RP1L1: variants seen among roughly 807,000 people sequenced by gnomAD.
RP1L1 encodes the protein retinitis pigmentosa 1-like 1 protein.
In RP1L1, 27 loss-of-function variants were observed where a neutral mutation model predicts 15.7. The ratio of observed to expected loss-of-function variants is 1.72; its 90% CI spans 1.27 to 2.38. The LOEUF (loss-of-function observed/expected upper bound fraction) is 2.38. Among genes scored for constraint, RP1L1 ranks in the 30% most tolerant of loss-of-function variants. The probability of loss-of-function intolerance (pLI) is 0.00; values close to 1 mark genes in which losing one functional copy is unlikely to be tolerated. For missense variants in RP1L1, 4,798 were observed against 3,075.9 expected, an observed-to-expected ratio of 1.56 and a Z score of -13.24; for synonymous variants, 1,813 against 1,276.7, an observed-to-expected ratio of 1.42 and a Z score of -8.96.
chr8:10,608,190 C>T lies in RP1L1; in HGVS notation c.5908G>A (p.Ala1970Thr). ...VIESQEAEEE[A>T]QPESEDVEAL... ...TCTACATCTTCTGACTCTGGCTGGG[C>T]TTCCTCTTCTGCCTCCTGGGACTCT... The change falls in exon 4 of 4, where the codon GCC becomes ACC. Residue 1970 changes from alanine (A) to threonine (T), a missense_variant. Transcript: ENST00000382483. The T allele has an allele frequency of 3.1e-6, 5 of 1,612,600 alleles. No individual in the cohort carries two copies. Among genetic ancestry groups the T allele is most frequent in the Non-Finnish European group, 4.2e-6 (5 of 1,179,696 alleles).
Position 10,608,917 on chromosome 8 carries a change from C to G in RP1L1, c.5181G>C (p.Glu1727Asp), listed in dbSNP as rs1797768644. 2 of 1,614,108 alleles carry G rather than the reference C, an allele frequency of 1.2e-6. No individual in the cohort carries two copies. Among genetic ancestry groups the G allele is most frequent in the Non-Finnish European group, 1.7e-6 (2 of 1,180,034 alleles). Residue 1727 changes from glutamate to aspartate, a missense_variant, in exon 4 of 4, where the codon GAG becomes GAC. Glu to Asp is a conservative substitution (Grantham distance 45). Transcript: ENST00000382483. ...PTSTRTVQGA[E>D]GGLGPGLSQG... Reference sequence around the variant, plus strand: ...GGCTCAGCCCCGGCCCCAGCCCTCCCTCAGCTCCCTGGACAGTCCTAGTGC... The same window carrying G: ...GGCTCAGCCCCGGCCCCAGCCCTCCGTCAGCTCCCTGGACAGTCCTAGTGC...
At chr8:10,644,512 G>A (rs551284183) in intron 1 of RP1L1, among the ~76,000 whole-genome samples, 12 of 152,360 alleles carry the variant, frequency 7.9e-5, no homozygotes, top group Non-Finnish European at 1.6e-4. Context: ...TGATGGCTGA[G>A]AATTGATGCC....
At position 10,611,067 on chromosome 8, in the gene RP1L1, G is replaced by T. The variant is rs1292945103; in HGVS notation, c.3031C>A (p.Gln1011Lys). The stretch of plus-strand genomic sequence containing the variant: ...CCGGGGTCCCCTTCCAGGGACTGCT[G>T]TCCCGCCTGAGCTGGCTCCCCCAGG... Reference protein sequence around the residue: ...EGLGEPAQAGQQSLEGDPGQD... With the variant: ...EGLGEPAQAGKQSLEGDPGQD... Residue 1011 changes from glutamine to lysine, a missense_variant, in exon 4 of 4, where the codon CAG becomes AAG. Gln to Lys is a moderately conservative substitution (Grantham distance 53). Coordinates refer to ENST00000382483, the MANE Select transcript of RP1L1 (RefSeq NM_178857.6). 1.1e-5 allele frequency: 17 copies of T among 1,612,694 alleles called. No individual in the cohort carries two copies. Among genetic ancestry groups the T allele is most frequent in the Admixed American group, 1.7e-5 (1 of 60,006 alleles).
chr8:10,627,728 G>T (rs867719551), intron 1 of RP1L1, among the ~76,000 whole-genome samples: 3 of 152,280 alleles, frequency 2.0e-5, no homozygotes, highest in Middle Eastern at 3.4e-3. Context: ...TTAAGAGGAG[G>T]ACATCTTCCC....
At chr8:10,620,453 A>G (rs571801484) in intron 2 of RP1L1, among the ~76,000 whole-genome samples, 1 of 152,284 alleles carries the variant, frequency 6.6e-6, no homozygotes, top group African/African-American at 2.4e-5. Context: ...TAAAAATACA[A>G]AAATTAGCTG....
intron 1 of RP1L1, among the ~76,000 whole-genome samples, chr8:10,645,348 CA>C (rs2117262926): frequency 1.3e-5 from 2 of 152,136 alleles, no homozygotes; most frequent in African/African-American, 4.8e-5. Flanking sequence ...AATGAACAAA[CA>C]AAAATATCTA....
Position 10,613,216 on chromosome 8 carries a change from C to A in RP1L1, c.882G>T (p.Gln294His), listed in dbSNP as rs769529385. 6.2e-7 allele frequency: 1 copy of A among 1,613,384 alleles called. No individual in the cohort carries two copies. Among genetic ancestry groups the A allele is most frequent in the Non-Finnish European group, 8.5e-7 (1 of 1,180,016 alleles). The change falls in exon 4 of 4, where the codon CAG becomes CAT. Residue 294 changes from glutamine (Q) to histidine (H), a missense_variant. Physicochemically the swap from Gln to His is conservative, Grantham distance 24. Coordinates refer to ENST00000382483, the MANE Select transcript of RP1L1 (RefSeq NM_178857.6). ...PVGPAPGRHPQDTPAQSGPLV... is the reference protein window; with the variant it reads ...PVGPAPGRHPHDTPAQSGPLV... ...GCGGGCCCGACTGAGCTGGCGTGTC[C>A]TGAGGGTGCCTGCCAGGAGCAGGGC...
intron 1 of RP1L1, among the ~76,000 whole-genome samples, chr8:10,628,772 C>G (rs928899012): frequency 3.3e-5 from 5 of 152,182 alleles, no homozygotes; most frequent in African/African-American, 1.2e-4. Flanking sequence ...TGGAAGAAAC[C>G]TGATATTGAC....
At chr8:10,645,472 A>G (rs1798463029) in intron 1 of RP1L1, among the ~76,000 whole-genome samples, 1 of 152,210 alleles carries the variant, frequency 6.6e-6, no homozygotes, top group Non-Finnish European at 1.5e-5. Flanking sequence ...AGTCTTCAAC[A>G]CCAAATAGAT....
At chr8:10,617,792 G>A (rs138100045) in intron 2 of RP1L1, among the ~76,000 whole-genome samples, 1,644 of 152,130 alleles carry the variant, frequency 0.011, 16 homozygotes, top group African/African-American at 0.022. Flanking sequence ...TCCTGACCTC[G>A]TGATCCGCCG....
intron 1 of RP1L1, among the ~76,000 whole-genome samples, chr8:10,628,449 G>C (rs1437141361): frequency 6.6e-6 from 1 of 152,038 alleles, no homozygotes; most frequent in Non-Finnish European, 1.5e-5. Flanking sequence ...AAGTGCATGG[G>C]CTCCTGCAGC....
chr8:10,621,143 G>C (rs1160461424), intron 2 of RP1L1: 2 of 152,650 alleles, frequency 1.3e-5, no homozygotes, highest in South Asian at 2.1e-4. Context: ...GACTACCTAA[G>C]TAGACCTTGA....
At chr8:10,630,076 T>G (rs916556611) in intron 1 of RP1L1, among the ~76,000 whole-genome samples, 4 of 152,142 alleles carry the variant, frequency 2.6e-5, no homozygotes, top group African/African-American at 9.7e-5. Flanking sequence ...CAGAGCTCAG[T>G]CATGAGGGCG....
chr8:10,619,656 G>A (rs1172549108), intron 2 of RP1L1, among the ~76,000 whole-genome samples: 2 of 152,152 alleles, frequency 1.3e-5, no homozygotes, highest in Non-Finnish European at 2.9e-5. Flanking sequence ...GCTGGGCACA[G>A]TGGCTCACAC....
In RP1L1 at chr8:10,609,760, G is replaced by A; in HGVS notation, c.4338C>T (p.Gly1446=). 1.2e-6 allele frequency: 2 copies of A among 1,613,560 alleles called. No homozygotes were observed. Among genetic ancestry groups the A allele is most frequent in the Non-Finnish European group, 1.7e-6 (2 of 1,179,686 alleles). ...TAGGGGGCTCTGTGGGTTCCTCTGT[G>A]CCCTCTGCGGGGCACGGCTCTGCAG... The part of the protein sequence containing the change: ...SASAEPCPAE[G]TEEPTEPPSH... The change falls in exon 4 of 4, where the codon GGC becomes GGT. Residue 1446 remains glycine, a synonymous_variant. Transcript: ENST00000382483.
At chr8:10,631,483 A>G in intron 1 of RP1L1, among the ~76,000 whole-genome samples, 1 of 152,196 alleles carries the variant, frequency 6.6e-6, no homozygotes. Context: ...TCAAATACAT[A>G]ATGACATGTG....
intron 1 of RP1L1, among the ~76,000 whole-genome samples, chr8:10,625,861 G>T (rs936868328): frequency 6.6e-6 from 1 of 152,070 alleles, no homozygotes; most frequent in Non-Finnish European, 1.5e-5. Context: ...CACTTGTACC[G>T]ATCAGAGCCA....
intron 1 of RP1L1, among the ~76,000 whole-genome samples, chr8:10,653,490 ACACG>A (rs1473591831): frequency 6.6e-6 from 1 of 151,210 alleles, no homozygotes; most frequent in African/African-American, 2.4e-5. Flanking sequence ...ACACACACAC[ACACG>A]TGCACTCGTA....
intron 3 of RP1L1, among the ~76,000 whole-genome samples, chr8:10,615,427 C>T (rs1797949742): frequency 6.6e-6 from 1 of 152,084 alleles, no homozygotes; most frequent in South Asian, 2.1e-4. Flanking sequence ...TAGTTTTAGT[C>T]CCTTTGACCC....
Sources: gnomAD v4.1 joint callset for allele counts (sites outside exome capture counted in the v4.1 genomes callset) on GRCh38, gnomAD v4.1.1 for gene constraint, MANE v1.5 for transcripts, NCBI Gene and HGNC (gene_info 2026-07-23, HGNC 2026-07-21) for gene names.